Variants in ODAM observed in about 807,000 individuals in gnomAD.
ODAM encodes the protein odontogenic, ameloblast associated, also known as odontogenic ameloblast-associated protein.
ODAM carries 55 observed loss-of-function variants against 48.5 expected under a neutral mutation model. That is an observed-to-expected ratio of 1.13 (90% CI 0.91 to 1.42). ODAM has a LOEUF of 1.42. Ranked by LOEUF, ODAM falls within the 40% of genes most tolerant of loss-of-function variation. The pLI, the probability that ODAM is intolerant of heterozygous loss-of-function variation, is 0.00. For missense variants in ODAM, 353 were observed against 323.6 expected (o/e 1.09, Z -0.70); for synonymous variants, 127 against 107.8 (o/e 1.18, Z -1.10).
At chr4:70,196,393 A>T in intron 1 of ODAM, 136 bp from the exon 2 acceptor site, 2 of 528,466 alleles carry the variant, frequency 3.8e-6, no homozygotes, top group Non-Finnish European at 6.7e-6. Context: ...ATAACTTTTT[A>T]AATTTTAAAT....
chr4:70,198,585 C>T lies in ODAM; in HGVS notation c.382C>T (p.Pro128Ser). The change falls in exon 6 of 12, where the codon CCC (proline) becomes TCC (serine). Residue 128 changes from proline (P) to serine (S), a missense_variant. Coordinates refer to ENST00000683306, the MANE Select transcript of ODAM (RefSeq NM_017855.4). The stretch of plus-strand genomic sequence containing the variant: ...TAATTCTTTTTTTTGGCAGGTGATG[C>T]CCTATGTATTCTCCTTCAAAATGCC... ...QTQPGPSHVM[P>S]YVFSFKMPQE... 1.3e-6 allele frequency: 2 copies of T among 1,592,632 alleles called. No homozygotes were observed. Among genetic ancestry groups the T allele is most frequent in the Non-Finnish European group, 8.5e-7 (1 of 1,173,020 alleles).
chr4:70,200,352 A>G lies in ODAM; in HGVS notation c.424-145A>G, dbSNP rs1560483910. 8 of 536,596 alleles carry G rather than the reference A, an allele frequency of 1.5e-5. No homozygotes were observed. The East Asian group carries it at 2.5e-4, about 17-fold the overall frequency. The allele number at this position is 536,596 out of a possible 1,614,324, so 33.2% of individuals were successfully genotyped here. ...AGTTGTTTCCAAAGTTTGGGAAGGG[A>G]TTCTTCATCTATTTGCTTTGTATTT... On this transcript the variant is annotated intron_variant, in intron 6 of 11. Coordinates refer to ENST00000683306, the MANE Select transcript of ODAM (RefSeq NM_017855.4).
chr4:70,202,303 G>A lies in ODAM; in HGVS notation c.622G>A (p.Gly208Ser). Residue 208 changes from glycine (G) to serine (S), a missense_variant, in exon 9 of 12, where the codon GGC (glycine) becomes AGC (serine). By Grantham distance (56) the Gly-to-Ser change is moderately conservative. Coordinates refer to ENST00000683306, the MANE Select transcript of ODAM (RefSeq NM_017855.4). ...QQQLAFDPQL[G>S]TAPEIAVMST... The stretch of plus-strand genomic sequence containing the variant: ...GCAACTAGCTTTTGATCCCCAACTA[G>A]GCACAGCTCCTGAAATTGCTGTGAT... 4 of 1,611,806 alleles carry A rather than the reference G, an allele frequency of 2.5e-6. No individual in the cohort carries two copies. The highest frequency in any genetic ancestry group is 1.7e-6 in the Non-Finnish European group (2 of 1,178,592).
chr4:70,201,427 T>C lies in ODAM; in HGVS notation c.529-27T>C, dbSNP rs764096472. 13 of 1,183,354 alleles carry C rather than the reference T, an allele frequency of 1.1e-5. 1 individual carries two copies. The Admixed American group carries it at 2.4e-4, about 22-fold the overall frequency. 73.3% of individuals were successfully genotyped at this position (1,183,354 alleles called of 1,614,324 possible). A position where few individuals can be genotyped will look rare whatever the true frequency, so the allele number is the denominator to read the frequency against. ...ACGACAAGAATAATCACAGAAAATA[T>C]AATACATTTTTTAAAAAATCTGACA... On this transcript the variant is annotated intron_variant, in intron 7 of 11. Coordinates refer to ENST00000683306, the MANE Select transcript of ODAM (RefSeq NM_017855.4).
intron 3 of ODAM, 31 bp downstream of exon 3, chr4:70,196,764 C>CT (rs753237683): frequency 1.2e-4 from 181 of 1,550,766 alleles, no homozygotes; most frequent in Middle Eastern, 9.7e-4. Context: ...CAATCTCCTC[C>CT]TTTTTTTAAT....
chr4:70,203,283 G>C, intron 11 of ODAM, 69 bp downstream of exon 11: 1 of 908,128 alleles, frequency 1.1e-6, no homozygotes, highest in South Asian at 1.4e-5. Context: ...AAAGAAAAAA[G>C]TTGGCAGAGG....
At chr4:70,201,245 AAG>A (rs753361362) in intron 7 of ODAM, among the ~76,000 whole-genome samples, 3 of 151,858 alleles carry the variant, frequency 2.0e-5, no homozygotes, top group Admixed American at 2.0e-4. Context: ...TTTAAAGGGA[AAG>A]AGAGAGTTTT....
chr4:70,198,073 C>T lies in ODAM; in HGVS notation c.291C>T (p.Ala97=). 6.2e-7 allele frequency: 1 copy of T among 1,613,138 alleles called. No homozygotes were observed. Among genetic ancestry groups the T allele is most frequent in the Admixed American group, 1.7e-5 (1 of 59,914 alleles). The change falls in exon 5 of 12, where the codon GCC becomes GCT. Residue 97 remains alanine, a synonymous_variant. Transcript: ENST00000683306. ...ATCAGATACCCTTAACAGGAGAGGC[C>T]AGTTTTGCCCAAGGAGCCCAGGCAG... ...LPNQIPLTGE[A]SFAQGAQAGQ...
chr4:70,200,225 T>TA, intron 6 of ODAM: 1 of 322,390 alleles, frequency 3.1e-6, no homozygotes, highest in Middle Eastern at 3.7e-4. Flanking sequence ...AGATGTCCTT[T>TA]GAAAAAAAAA....
At chr4:70,197,726 C>T in intron 4 of ODAM, 198 bp from the exon 5 acceptor site, 1 of 598,790 alleles carries the variant, frequency 1.7e-6, no homozygotes, top group Non-Finnish European at 3.0e-6. Context: ...CCCCATATTT[C>T]TCATGGCCAT....
chr4:70,203,088 C>A (rs1455647536), intron 10 of ODAM, 68 bp from the exon 11 acceptor site: 13 of 1,386,884 alleles, frequency 9.4e-6, no homozygotes, highest in Non-Finnish European at 1.2e-5. Context: ...TTTTGATAAT[C>A]AATTAATCAG....
chr4:70,196,803 G>A lies in ODAM; in HGVS notation c.93+70G>A, dbSNP rs921520540. 7.5e-5 allele frequency: 95 copies of A among 1,267,036 alleles called. 1 individual carries two copies. In the South Asian group the frequency reaches 7.6e-4, roughly 10 times the overall value. The allele number at this position is 1,267,036 out of a possible 1,614,324, so 78.5% of individuals were successfully genotyped here. A position where few individuals can be genotyped will look rare whatever the true frequency, so the allele number is the denominator to read the frequency against. The stretch of plus-strand genomic sequence containing the variant: ...AATCAAGTGGGAAGAGATAGAAGTC[G>A]TCATTTAATTTATACTGTGTTCCTC... On this transcript the variant is annotated intron_variant, in intron 3 of 11. Coordinates refer to ENST00000683306, the MANE Select transcript of ODAM (RefSeq NM_017855.4).
chr4:70,196,793 G>T, intron 3 of ODAM, 60 bp downstream of exon 3: 1 of 1,354,372 alleles, frequency 7.4e-7, no homozygotes, highest in East Asian at 2.3e-5. Flanking sequence ...AGTGGGAAGA[G>T]ATAGAAGTCG....
chr4:70,203,215 G>A lies in ODAM; in HGVS notation c.*29+1G>A. On this transcript the variant is annotated splice_donor_variant, in intron 11 of 11. Transcript: ENST00000683306. LOFTEE classifies it low-confidence loss of function (3UTR_SPLICE). The stretch of plus-strand genomic sequence containing the variant: ...TTGCCCTGATCATTCAGACATTTTG[G>A]TAGGTATTTGCCAAAGTCAAGAATT... The A allele has an allele frequency of 1.3e-6, 2 of 1,562,938 alleles. No individual in the cohort carries two copies. Among genetic ancestry groups the A allele is most frequent in the South Asian group, 1.1e-5 (1 of 89,288 alleles).
intron 4 of ODAM, 50 bp from the exon 5 acceptor site, chr4:70,197,874 T>C (rs751871150): frequency 4.0e-6 from 6 of 1,489,636 alleles, no homozygotes; most frequent in Non-Finnish European, 5.5e-6. Flanking sequence ...AATTTTTAAA[T>C]TCTTTTTGGC....
At chr4:70,196,772 A>C (rs1729375817) in intron 3 of ODAM, 39 bp downstream of exon 3, 4 of 1,515,618 alleles carry the variant, frequency 2.6e-6, no homozygotes, top group Non-Finnish European at 3.6e-6. Context: ...TCCTTTTTTT[A>C]ATGGAAATCA....
rs1267296074 is a variant in ODAM, at chr4:70,197,209, A to G, written c.94-65A>G. 1.3e-5 allele frequency: 10 copies of G among 798,642 alleles called. No homozygotes were observed. In the African/African-American group the frequency reaches 1.7e-4, roughly 14 times the overall value. 49.5% of individuals were successfully genotyped at this position (798,642 alleles called of 1,614,324 possible). A position where few individuals can be genotyped will look rare whatever the true frequency, so the allele number is the denominator to read the frequency against. The stretch of plus-strand genomic sequence containing the variant: ...CTATGACTTGTGCTATATTTGCAGT[A>G]AACATTGTTCCTACTCATTTTAGTG... On this transcript the variant is annotated intron_variant, in intron 3 of 11. Transcript: ENST00000683306.
Position 70,198,032 on chromosome 4 carries a change from G to C in ODAM, c.250G>C (p.Ala84Pro), listed in dbSNP as rs757913560. ...CTCTTTATCAGCTCTAGACCAGTTT[G>C]CTGGACTGCTCCCAAATCAGATACC... is the stretch of plus-strand genomic sequence containing the variant. ...QFSLSALDQF[A>P]GLLPNQIPLT... Residue 84 changes from alanine (A) to proline (P), a missense_variant, in exon 5 of 12, where the codon GCT (alanine) becomes CCT (proline). Ala to Pro is a conservative substitution (Grantham distance 27). Transcript: ENST00000683306. The C allele has an allele frequency of 6.2e-7, 1 of 1,613,256 alleles. No homozygotes were observed. The highest frequency in any genetic ancestry group is 8.5e-7 in the Non-Finnish European group (1 of 1,179,532).
At position 70,196,746 on chromosome 4, in the gene ODAM, A is replaced by G. The variant is rs762559764; in HGVS notation, c.93+13A>G. On this transcript the variant is annotated intron_variant, in intron 3 of 11. Transcript: ENST00000683306. The stretch of plus-strand genomic sequence containing the variant: ...CAATAGCAATGAGGTTAGTTTAAAT[A>G]ATTAAAACAATCTCCTCCTTTTTTT... 1.3e-6 allele frequency: 2 copies of G among 1,589,506 alleles called. No individual in the cohort carries two copies. The highest frequency in any genetic ancestry group is 1.7e-6 in the Non-Finnish European group (2 of 1,164,034).
Sources: allele counts gnomAD v4.1 joint callset (sites outside exome capture counted in the v4.1 genomes callset), GRCh38; gene constraint gnomAD v4.1.1; transcripts MANE v1.5; gene names NCBI Gene and HGNC (gene_info 2026-07-23, HGNC 2026-07-21).